Variants in KAT2B observed in about 807,000 individuals in gnomAD.
The protein encoded by KAT2B is histone acetyltransferase KAT2B.
Under a neutral mutation model 105.9 loss-of-function variants are expected in KAT2B, and 36 were observed. The ratio of observed to expected loss-of-function variants is 0.34; its 90% CI spans 0.26 to 0.45. The LOEUF (loss-of-function observed/expected upper bound fraction) is 0.45. KAT2B is among the 20% of genes least tolerant of loss of function. KAT2B has a pLI of 1.00. For missense variants in KAT2B, 820 were observed against 1,021.6 expected, an observed-to-expected ratio of 0.80 and a Z score of 2.69; for synonymous variants, 397 against 377.9, an observed-to-expected ratio of 1.05 and a Z score of -0.59.
intron 1 of KAT2B, among the ~76,000 whole-genome samples, chr3:20,061,588 T>A (rs1698101728): frequency 6.6e-6 from 1 of 151,938 alleles, no homozygotes; most frequent in Non-Finnish European, 1.5e-5. Flanking sequence ...ATTTTACGTC[T>A]TCAGCAGGAA....
In KAT2B at chr3:20,119,696, G is replaced by A. The variant is rs776005322; in HGVS notation, c.1249G>A (p.Ala417Thr). 2.5e-6 allele frequency: 4 copies of A among 1,614,088 alleles called. No individual in the cohort carries two copies. The Admixed American group carries it at 5.0e-5, about 20-fold the overall frequency. Residue 417 changes from alanine to threonine, a missense_variant, in exon 8 of 18, where the codon GCC becomes ACC. Transcript: ENST00000263754. The part of the protein sequence containing the change: ...NAGSSSPACK[A>T]SSGLEANPGE... ...AGGGAGCAGCAGTCCTGCCTGCAAA[G>A]CCTCTTCTGGACTTGAGGCAAACCC...
chr3:20,125,578 A>G (rs1344938496), intron 9 of KAT2B, among the ~76,000 whole-genome samples: 1 of 152,200 alleles, frequency 6.6e-6, no homozygotes, highest in African/African-American at 2.4e-5. Flanking sequence ...TGTGACAAAC[A>G]CCTTATGGCT....
At chr3:20,097,113 G>C (rs1698824990) in intron 3 of KAT2B, among the ~76,000 whole-genome samples, 1 of 152,030 alleles carries the variant, frequency 6.6e-6, no homozygotes. Context: ...ACCCTGGCAG[G>C]TTCATAGTGT....
At chr3:20,111,834 G>T (rs776396620) in intron 6 of KAT2B, 47 bp downstream of exon 6, 1 of 1,469,278 alleles carries the variant, frequency 6.8e-7, no homozygotes, top group Admixed American at 1.9e-5. Flanking sequence ...AGAGCTTGAG[G>T]TTGCTAAATA....
chr3:20,122,813 G>A lies in KAT2B; in HGVS notation c.1413+9G>A. 2 of 1,602,662 alleles carry A rather than the reference G, an allele frequency of 1.2e-6. No individual in the cohort carries two copies. Among genetic ancestry groups the A allele is most frequent in the Non-Finnish European group, 8.5e-7 (1 of 1,172,656 alleles). ...CAATGCTTGGACCAGAGGTCAGCAG[G>A]GTAAACCTGGGCAGCCAGCTGGTAG... On this transcript the variant is annotated intron_variant, in intron 9 of 17. Transcript: ENST00000263754.
chr3:20,089,544 G>A (rs2365375), intron 2 of KAT2B, among the ~76,000 whole-genome samples: 28,404 of 151,626 alleles, frequency 0.19, 2,946 homozygotes, highest in East Asian at 0.44. Context: ...GAGATTACAG[G>A]CGTGCGCCAC....
intron 2 of KAT2B, among the ~76,000 whole-genome samples, chr3:20,073,964 A>G (rs928490794): frequency 6.6e-6 from 1 of 152,216 alleles, no homozygotes; most frequent in Non-Finnish European, 1.5e-5. Flanking sequence ...GCACGTAAAC[A>G]CACATGAATG....
chr3:20,114,911 A>G lies in KAT2B; in HGVS notation c.1073A>G (p.Tyr358Cys). Reference sequence around the variant, plus strand: ...CTGTCCATGCTAGAAGAAGAAGTATATAGTCAAAACTCTCCCATCTGGGAT... The same window carrying G: ...CTGTCCATGCTAGAAGAAGAAGTATGTAGTCAAAACTCTCCCATCTGGGAT... ...KFLSMLEEEVYSQNSPIWDQD... is the reference protein window; with the variant it reads ...KFLSMLEEEVCSQNSPIWDQD... Residue 358 changes from tyrosine (Y) to cysteine (C), a missense_variant, in exon 7 of 18, where the codon TAT becomes TGT. Coordinates refer to ENST00000263754, the MANE Select transcript of KAT2B (RefSeq NM_003884.5). 2 of 1,610,226 alleles carry G rather than the reference A, an allele frequency of 1.2e-6. No individual in the cohort carries two copies. The highest frequency in any genetic ancestry group is 1.7e-6 in the Non-Finnish European group (2 of 1,176,634).
At chr3:20,108,505 G>T (rs1045554107) in intron 5 of KAT2B, among the ~76,000 whole-genome samples, 1 of 152,224 alleles carries the variant, frequency 6.6e-6, no homozygotes, top group African/African-American at 2.4e-5. Flanking sequence ...TATAATGACA[G>T]TAGTCCTTTA....
chr3:20,064,811 G>A (rs556941120), intron 1 of KAT2B, among the ~76,000 whole-genome samples: 11 of 152,332 alleles, frequency 7.2e-5, no homozygotes, highest in Admixed American at 5.2e-4. Flanking sequence ...CCATCAACGT[G>A]TTCTTGCTGT....
At chr3:20,110,602 G>A (rs1403669797) in intron 5 of KAT2B, among the ~76,000 whole-genome samples, 1 of 150,812 alleles carries the variant, frequency 6.6e-6, no homozygotes, top group East Asian at 1.9e-4. Context: ...GAGCCCAGGA[G>A]GTAGAGGTTG....
chr3:20,049,702 A>G (rs555304677), intron 1 of KAT2B, among the ~76,000 whole-genome samples: 153 of 152,250 alleles, frequency 1.0e-3, no homozygotes, highest in Non-Finnish European at 2.0e-3. Context: ...TGTGCAGGCC[A>G]TAAAGTAAAC....
chr3:20,045,327 A>G (rs1220363694), intron 1 of KAT2B, among the ~76,000 whole-genome samples: 9 of 103,302 alleles, frequency 8.7e-5, no homozygotes, highest in African/African-American at 3.2e-4. Context: ...CTATTTATTT[A>G]TTTATTTATT....
intron 1 of KAT2B, among the ~76,000 whole-genome samples, chr3:20,063,789 C>A (rs932058191): frequency 5.9e-5 from 9 of 152,052 alleles, no homozygotes; most frequent in Admixed American, 3.3e-4. Context: ...GATCCAACTG[C>A]TTCGGCCTCC....
Position 20,058,943 on chromosome 3 carries a change from C to CAAAA in KAT2B, c.304-13390_304-13389insAAAA, listed in dbSNP as rs1010464887. ...AATCTCAGGTTCCACCCGACACCCACTGAATCTTAATCTTCATTTTGATGA... is the reference window on the plus strand; with the variant it reads ...AATCTCAGGTTCCACCCGACACCCACAAAATGAATCTTAATCTTCATTTTGATGA... On this transcript the variant is annotated intron_variant, in intron 1 of 17. Coordinates refer to ENST00000263754, the MANE Select transcript of KAT2B (RefSeq NM_003884.5). 1.6e-4 allele frequency among the ~76,000 whole-genome samples: 25 copies of CAAAA among 152,172 alleles called. 1 individual carries two copies. Among genetic ancestry groups the CAAAA allele is most frequent in the Admixed American group, 1.6e-3 (24 of 15,276 alleles).
At chr3:20,081,914 C>T (rs965509160) in intron 2 of KAT2B, among the ~76,000 whole-genome samples, 3 of 131,666 alleles carry the variant, frequency 2.3e-5, no homozygotes, top group African/African-American at 3.4e-5. Flanking sequence ...TAGAGAGTCT[C>T]ATATATATAT....
intron 2 of KAT2B, among the ~76,000 whole-genome samples, chr3:20,081,522 G>A (rs9856052): frequency 0.016 from 2,506 of 152,146 alleles, 75 homozygotes; most frequent in African/African-American, 0.057. Flanking sequence ...GCCTCCCCTC[G>A]TCCCCTCACT....
chr3:20,112,757 G>A (rs1575141046), intron 6 of KAT2B, among the ~76,000 whole-genome samples: 1 of 152,166 alleles, frequency 6.6e-6, no homozygotes, highest in Admixed American at 6.5e-5. Flanking sequence ...AATATTCTTT[G>A]ATCAAAGATT....
At chr3:20,062,148 A>ATTATAT (rs1338627956) in intron 1 of KAT2B, among the ~76,000 whole-genome samples, 3 of 93,570 alleles carry the variant, frequency 3.2e-5, no homozygotes, top group African/African-American at 1.4e-4. Context: ...TATAATATAT[A>ATTATAT]AAAATATATA....
Sources: allele counts gnomAD v4.1 joint callset (sites outside exome capture counted in the v4.1 genomes callset), GRCh38; gene constraint gnomAD v4.1.1; transcripts MANE v1.5; gene names NCBI Gene and HGNC (gene_info 2026-07-23, HGNC 2026-07-21).